PSEN1: variants seen among roughly 807,000 people sequenced by gnomAD.
PSEN1 encodes the protein presenilin-1.
PSEN1 carries 15 observed loss-of-function variants against 53.5 expected under a neutral mutation model. The ratio of observed to expected loss-of-function variants is 0.28; its 90% CI spans 0.19 to 0.43. The LOEUF is 0.43. Among genes scored for constraint, PSEN1 ranks in the 20% least tolerant of loss-of-function variants. The pLI is 1.00. For missense variants in PSEN1, 387 were observed against 571.2 expected (o/e 0.68, Z 3.29); for synonymous variants, 208 against 209.8 (o/e 0.99, Z 0.08).
chr14:73,186,391 AAG>A (rs1898513028), intron 5 of PSEN1, among the ~76,000 whole-genome samples: 1 of 152,132 alleles, frequency 6.6e-6, no homozygotes, highest in Non-Finnish European at 1.5e-5. Context: ...GAAAAAAAAA[AAG>A]AATATTCAAA....
At chr14:73,179,338 C>T (rs1212470632) in intron 5 of PSEN1, among the ~76,000 whole-genome samples, 1 of 152,088 alleles carries the variant, frequency 6.6e-6, no homozygotes, top group African/African-American at 2.4e-5. Flanking sequence ...AAAAGAATGC[C>T]GGGTGTGGTG....
At position 73,158,365 on chromosome 14, in the gene PSEN1, G is replaced by A. The variant is rs371552722; in HGVS notation, c.87+10259G>A. ...AAGACGGAGTTTTGCTCCATCTGGA[G>A]CAAAGGCTGGAGTGCAGTGGCATGA... On this transcript the variant is annotated intron_variant, in intron 3 of 11. Coordinates refer to ENST00000324501, the MANE Select transcript of PSEN1 (RefSeq NM_000021.4). Among the ~76,000 whole-genome samples, 45 of 150,800 alleles carry A rather than the reference G, an allele frequency of 3.0e-4. No individual in the cohort carries two copies. In the East Asian group the frequency reaches 7.8e-3, roughly 26 times the overall value.
chr14:73,202,580 C>A (rs1899273441), intron 8 of PSEN1, among the ~76,000 whole-genome samples: 2 of 144,024 alleles, frequency 1.4e-5, no homozygotes, highest in Admixed American at 1.4e-4. Context: ...TCACGCCATT[C>A]TCCTGCCTCA....
intron 5 of PSEN1, among the ~76,000 whole-genome samples, chr14:73,186,598 G>A (rs1462452505): frequency 2.0e-5 from 3 of 152,104 alleles, no homozygotes; most frequent in African/African-American, 2.4e-5. Flanking sequence ...GCAACATGGC[G>A]AAACCCTGTC....
At chr14:73,204,597 T>C (rs114014192) in intron 8 of PSEN1, among the ~76,000 whole-genome samples, 3,379 of 151,940 alleles carry the variant, frequency 0.022, 128 homozygotes, top group African/African-American at 0.074. Flanking sequence ...TCCCTGGCCA[T>C]TTACAGAAAA....
At chr14:73,216,302 G>A (rs187155003) in intron 10 of PSEN1, among the ~76,000 whole-genome samples, 1 of 152,156 alleles carries the variant, frequency 6.6e-6, no homozygotes, top group Non-Finnish European at 1.5e-5. Context: ...CTGTAAACGG[G>A]TACAAGGTAC....
At chr14:73,196,298 AGAG>A (rs1898935462) in intron 7 of PSEN1, among the ~76,000 whole-genome samples, 1 of 152,076 alleles carries the variant, frequency 6.6e-6, no homozygotes, top group Non-Finnish European at 1.5e-5. Flanking sequence ...TCATCACTTC[AGAG>A]CAGGGCAGAC....
chr14:73,137,967 G>T (rs1896794691), intron 1 of PSEN1: 1 of 151,774 alleles, frequency 6.6e-6, no homozygotes, highest in African/African-American at 2.4e-5. Context: ...GCTCCCAAGC[G>T]AGGCTGAGGC....
At chr14:73,169,556 T>A (rs1897825210) in intron 3 of PSEN1, 1 of 152,206 alleles carries the variant, frequency 6.6e-6, no homozygotes, top group Non-Finnish European at 1.5e-5. Flanking sequence ...ATTGTGTTCC[T>A]TATCTCTACC....
chr14:73,137,237 A>G (rs1896773246), intron 1 of PSEN1: 1 of 152,574 alleles, frequency 6.6e-6, no homozygotes, highest in African/African-American at 2.4e-5. Flanking sequence ...AGATGTGATT[A>G]GAGTTCGATC....
chr14:73,222,850 T>C lies in PSEN1; in HGVS notation c.*3561T>C, dbSNP rs1594762203. ...TACTCCTTCTCTAAATTTGCTGTTA[T>C]GTCTATAAGGAACAGTTTGACCTGC... On this transcript the variant is annotated 3_prime_UTR_variant, in exon 12 of 12. Coordinates refer to ENST00000324501, the MANE Select transcript of PSEN1 (RefSeq NM_000021.4). The C allele has an allele frequency of 1.3e-5, 2 of 152,264 alleles. No homozygotes were observed. The highest frequency in any genetic ancestry group is 6.5e-5 in the Admixed American group (1 of 15,290). The allele number at this position is 152,264 out of a possible 1,614,324, so 9.4% of individuals were successfully genotyped here.
At chr14:73,142,131 A>G (rs1328371096) in intron 1 of PSEN1, among the ~76,000 whole-genome samples, 1 of 152,196 alleles carries the variant, frequency 6.6e-6, no homozygotes, top group Non-Finnish European at 1.5e-5. Flanking sequence ...ATAGGTTGGA[A>G]TTTAGAGTTC....
At chr14:73,148,433 T>C (rs1026528053) in intron 3 of PSEN1, among the ~76,000 whole-genome samples, 1 of 152,228 alleles carries the variant, frequency 6.6e-6, no homozygotes, top group Non-Finnish European at 1.5e-5. Flanking sequence ...TTTTATTTAC[T>C]GTATTCATTA....
At position 73,219,419 on chromosome 14, in the gene PSEN1, T is replaced by A; in HGVS notation, c.*130T>A. On this transcript the variant is annotated 3_prime_UTR_variant, in exon 12 of 12. Coordinates refer to ENST00000324501, the MANE Select transcript of PSEN1 (RefSeq NM_000021.4). Reference sequence around the variant, plus strand: ...TCCCGGCTGGACTTTTGCAGCTTCCTTCCAAGTCTTCCTGACCACCTTGCA... The same window carrying A: ...TCCCGGCTGGACTTTTGCAGCTTCCATCCAAGTCTTCCTGACCACCTTGCA... The A allele has an allele frequency of 9.6e-7, 1 of 1,036,316 alleles. No homozygotes were observed. The allele number at this position is 1,036,316 out of a possible 1,614,324, so 64.2% of individuals were successfully genotyped here. A position where few individuals can be genotyped will look rare whatever the true frequency, so the allele number is the denominator to read the frequency against.
chr14:73,205,496 A>T (rs965584806), intron 8 of PSEN1, among the ~76,000 whole-genome samples: 27 of 151,856 alleles, frequency 1.8e-4, no homozygotes, highest in African/African-American at 6.5e-4. Context: ...AAAAAAAAAA[A>T]AAAAATTACT....
At chr14:73,213,159 C>T (rs776123451) in intron 10 of PSEN1, among the ~76,000 whole-genome samples, 5 of 152,162 alleles carry the variant, frequency 3.3e-5, no homozygotes, top group Admixed American at 6.5e-5. Flanking sequence ...GAAAAGTAGA[C>T]GTATCTGCCT....
chr14:73,218,086 C>CTTTTTT (rs58637970), intron 11 of PSEN1, among the ~76,000 whole-genome samples: 3 of 97,892 alleles, frequency 3.1e-5, no homozygotes, highest in Admixed American at 1.2e-4. Context: ...CCGCACCTGG[C>CTTTTTT]TTTTTTTTTT....
intron 1 of PSEN1, among the ~76,000 whole-genome samples, chr14:73,144,704 A>C (rs1357806767): frequency 6.6e-6 from 1 of 152,202 alleles, no homozygotes; most frequent in East Asian, 1.9e-4. Context: ...TAGTTTAATA[A>C]TGTCTCTAAG....
In PSEN1 at chr14:73,186,919, G is replaced by T. The variant is rs781376659; in HGVS notation, c.547G>T (p.Gly183Trp). Reference sequence around the variant, plus strand: ...GTTCTTTTTTTCATTCATTTACTTGGGGTAAGTTGTGAAATTTTTGGTCTG... The same window carrying T: ...GTTCTTTTTTTCATTCATTTACTTGTGGTAAGTTGTGAAATTTTTGGTCTG... ...LLFFFSFIYL[G>W]EVFKTYNVAV... The change falls in exon 6 of 12, where the codon GGG becomes TGG. Residue 183 changes from glycine (G) to tryptophan (W), a missense_variant and splice_region_variant. Around this residue, in one of 4 missense-constraint regions of PSEN1, gnomAD observed 169 missense variants for 299.7 expected, o/e 0.56. Coordinates refer to ENST00000324501, the MANE Select transcript of PSEN1 (RefSeq NM_000021.4). 1 of 1,612,218 alleles carries T rather than the reference G, an allele frequency of 6.2e-7. No individual in the cohort carries two copies. The highest frequency in any genetic ancestry group is 1.1e-5 in the South Asian group (1 of 91,048).
Sources: gnomAD v4.1 joint callset for allele counts (sites outside exome capture counted in the v4.1 genomes callset) on GRCh38, gnomAD v4.1.1 for gene constraint, gnomAD v4.1.1 regional missense constraint, MANE v1.5 for transcripts, NCBI Gene and HGNC (gene_info 2026-07-23, HGNC 2026-07-21) for gene names.